Variants in LPP observed in about 807,000 individuals in gnomAD.
LPP encodes lipoma-preferred partner.
A neutral mutation model predicts 60.4 loss-of-function variants in LPP; 38 were observed. That is an observed-to-expected ratio of 0.63 (90% confidence interval 0.49 to 0.83). The LOEUF (loss-of-function observed/expected upper bound fraction) is 0.83. Among genes scored for constraint, LPP ranks in the 40% least tolerant of loss-of-function variants. LPP has a pLI of 0.00. For missense variants in LPP, 902 were observed against 783.6 expected, an observed-to-expected ratio of 1.15 and a Z score of -1.80; for synonymous variants, 328 against 290.8, an observed-to-expected ratio of 1.13 and a Z score of -1.30.
intron 4 of LPP, among the ~76,000 whole-genome samples, chr3:188,462,634 GTTAC>G (rs200125655): frequency 4.0e-4 from 24 of 59,486 alleles, no homozygotes; most frequent in Admixed American, 7.1e-4. Flanking sequence ...GTGTGTGTGT[GTTAC>G]TTTTTTGGGT....
At chr3:188,423,319 C>A (rs1051592121) in intron 4 of LPP, among the ~76,000 whole-genome samples, 1 of 152,146 alleles carries the variant, frequency 6.6e-6, no homozygotes, top group Non-Finnish European at 1.5e-5. Flanking sequence ...TGTATCTGTG[C>A]CACATTTTCT....
chr3:188,662,148 T>A (rs978735328), intron 7 of LPP, among the ~76,000 whole-genome samples: 2 of 152,250 alleles, frequency 1.3e-5, no homozygotes, highest in African/African-American at 4.8e-5. Context: ...GCTTTTCTAT[T>A]TTTTCCTAAA....
chr3:188,648,652 G>T (rs1851535939), intron 7 of LPP, among the ~76,000 whole-genome samples: 1 of 151,924 alleles, frequency 6.6e-6, no homozygotes, highest in Admixed American at 6.6e-5. Flanking sequence ...CTTTGAGTAT[G>T]GTACCCTTAT....
chr3:188,413,642 A>G (rs912379005), intron 4 of LPP, among the ~76,000 whole-genome samples: 2 of 152,168 alleles, frequency 1.3e-5, no homozygotes, highest in African/African-American at 4.8e-5. Context: ...AAAGGATCAA[A>G]TATTAATTGT....
At chr3:188,829,807 C>A (rs1481533813) in intron 9 of LPP, among the ~76,000 whole-genome samples, 2 of 152,040 alleles carry the variant, frequency 1.3e-5, no homozygotes, top group Admixed American at 6.6e-5. Context: ...TGCCTTGAAG[C>A]CTCAGGGTTT....
intron 5 of LPP, among the ~76,000 whole-genome samples, chr3:188,490,429 C>T (rs773135231): frequency 2.0e-4 from 31 of 151,780 alleles, no homozygotes; most frequent in Non-Finnish European, 3.7e-4. Context: ...CAGAGTCTTG[C>T]TCTGTTGACC....
chr3:188,485,796 CAA>C lies in LPP; in HGVS notation c.306+1109_306+1110del, dbSNP rs766522013. Among the ~76,000 whole-genome samples the C allele has an allele frequency of 1.5e-4, 6 of 40,156 alleles. 1 individual carries two copies. In the Admixed American group the frequency reaches 2.2e-3, roughly 15 times the overall value. 26.3% of individuals were successfully genotyped at this position (40,156 alleles called of 152,430 possible). A position where few individuals can be genotyped will look rare whatever the true frequency, so the allele number is the denominator to read the frequency against. On this transcript the variant is annotated intron_variant, in intron 5 of 11. Transcript: ENST00000617246. The stretch of plus-strand genomic sequence containing the variant: ...TGGGCGACAGAGCGAGACTCCGTCT[CAA>C]AAAAAAAAAAAAAAAATGGAATGGT...
intron 8 of LPP, among the ~76,000 whole-genome samples, chr3:188,748,567 A>G (rs1243135651): frequency 6.6e-6 from 1 of 152,032 alleles, no homozygotes. Context: ...GTGGATCACA[A>G]GGTCAGGAGT....
chr3:188,620,288 A>T (rs1845576979), intron 7 of LPP, among the ~76,000 whole-genome samples: 1 of 152,112 alleles, frequency 6.6e-6, no homozygotes, highest in Admixed American at 6.5e-5. Context: ...ATTTCTTTAC[A>T]CCAGGAAGAA....
intron 7 of LPP, among the ~76,000 whole-genome samples, chr3:188,686,755 GGTGA>G (rs1444725088): frequency 6.6e-6 from 1 of 152,166 alleles, no homozygotes; most frequent in Non-Finnish European, 1.5e-5. Flanking sequence ...AAGCTCTGAT[GGTGA>G]GTATGGGAAG....
chr3:188,200,461 G>T (rs1022394388), intron 1 of LPP, among the ~76,000 whole-genome samples: 2 of 152,130 alleles, frequency 1.3e-5, no homozygotes, highest in African/African-American at 2.4e-5. Context: ...TATTGGTCAG[G>T]CTGGTTAGCC....
chr3:188,567,227 A>G (rs1324586329), intron 6 of LPP, among the ~76,000 whole-genome samples: 1 of 151,890 alleles, frequency 6.6e-6, no homozygotes, highest in East Asian at 1.9e-4. Context: ...TCTCGTCATT[A>G]AAGCTTTTAT....
At chr3:188,671,611 A>T (rs1856978037) in intron 7 of LPP, among the ~76,000 whole-genome samples, 1 of 152,192 alleles carries the variant, frequency 6.6e-6, no homozygotes, top group Non-Finnish European at 1.5e-5. Context: ...CTTTGCCCAG[A>T]AAGTCATGAA....
intron 3 of LPP, among the ~76,000 whole-genome samples, chr3:188,346,587 G>A (rs1024924160): frequency 2.6e-5 from 4 of 152,086 alleles, no homozygotes; most frequent in South Asian, 2.1e-4. Flanking sequence ...CTTAATATAC[G>A]TGTGTGTATG....
intron 10 of LPP, among the ~76,000 whole-genome samples, chr3:188,868,669 C>T (rs1353650660): frequency 1.3e-5 from 2 of 152,316 alleles, no homozygotes; most frequent in African/African-American, 4.8e-5. Context: ...AAAAGTCCAG[C>T]ATAGGCTAAT....
chr3:188,701,898 GACCAT>G (rs1864483396), intron 7 of LPP, among the ~76,000 whole-genome samples: 1 of 146,910 alleles, frequency 6.8e-6, no homozygotes, highest in South Asian at 2.2e-4. Flanking sequence ...GCTTGGCATT[GACCAT>G]ATCTTACTTC....
chr3:188,408,949 A>C (rs1784299578), intron 4 of LPP, among the ~76,000 whole-genome samples: 1 of 152,196 alleles, frequency 6.6e-6, no homozygotes, highest in Non-Finnish European at 1.5e-5. Context: ...ATAAGAATAT[A>C]TATAAGCTTT....
chr3:188,671,770 A>T (rs1857000974), intron 7 of LPP, among the ~76,000 whole-genome samples: 1 of 152,172 alleles, frequency 6.6e-6, no homozygotes, highest in South Asian at 2.1e-4. Context: ...CAGACAAATT[A>T]CTATACTAGG....
At chr3:188,736,862 A>G (rs2150119553) in intron 8 of LPP, among the ~76,000 whole-genome samples, 1 of 152,226 alleles carries the variant, frequency 6.6e-6, no homozygotes, top group South Asian at 2.1e-4. Context: ...ATAATGGCAA[A>G]TAGAAAGGGA....
Sources: gnomAD v4.1 joint callset for allele counts (sites outside exome capture counted in the v4.1 genomes callset) on GRCh38, gnomAD v4.1.1 for gene constraint, MANE v1.5 for transcripts, NCBI Gene and HGNC (gene_info 2026-07-23, HGNC 2026-07-21) for gene names.